Variants in LRRTM4 observed in about 807,000 individuals in gnomAD.
LRRTM4 encodes leucine-rich repeat transmembrane neuronal protein 4.
Under a neutral mutation model 47.6 loss-of-function variants are expected in LRRTM4, and 25 were observed. That is an observed-to-expected ratio of 0.53 (90% CI 0.38 to 0.73). The LOEUF is 0.73. LRRTM4 is among the 30% of genes least tolerant of loss of function. LRRTM4 has a pLI of 0.00. For synonymous variants in LRRTM4, 311 were observed against 269.5 expected, an observed-to-expected ratio of 1.15 and a Z score of -1.51; for missense variants, 638 against 713.4, an observed-to-expected ratio of 0.89 and a Z score of 1.20.
At chr2:77,051,028 T>TAA (rs369292203) in intron 3 of LRRTM4, among the ~76,000 whole-genome samples, 41 of 151,430 alleles carry the variant, frequency 2.7e-4, no homozygotes, top group East Asian at 5.9e-4. Flanking sequence ...TTTTTTTTTT[T>TAA]AAAATAGATA....
At chr2:77,071,953 A>G (rs995427303) in intron 3 of LRRTM4, among the ~76,000 whole-genome samples, 3 of 150,772 alleles carry the variant, frequency 2.0e-5, no homozygotes, top group African/African-American at 7.5e-5. Context: ...TATGAGAATT[A>G]ATAATATTTT....
At chr2:77,354,617 G>T (rs2104302473) in intron 3 of LRRTM4, among the ~76,000 whole-genome samples, 1 of 152,132 alleles carries the variant, frequency 6.6e-6, no homozygotes, top group South Asian at 2.1e-4. Context: ...GACCATGAAA[G>T]TAAAAAAAGA....
intron 3 of LRRTM4, among the ~76,000 whole-genome samples, chr2:76,923,484 A>G (rs1415806112): frequency 6.6e-6 from 1 of 152,086 alleles, no homozygotes; most frequent in Non-Finnish European, 1.5e-5. Flanking sequence ...GCTCATTGCT[A>G]CTGGGTCCTT....
At chr2:76,887,801 A>C (rs933788590) in intron 3 of LRRTM4, among the ~76,000 whole-genome samples, 6 of 150,990 alleles carry the variant, frequency 4.0e-5, no homozygotes, top group African/African-American at 1.5e-4. Context: ...ATTTTCTACT[A>C]GCCAATGGAA....
intron 3 of LRRTM4, among the ~76,000 whole-genome samples, chr2:76,964,807 AAGAG>A (rs1315882512): frequency 6.6e-6 from 1 of 150,820 alleles, no homozygotes; most frequent in Non-Finnish European, 1.5e-5. Flanking sequence ...ACAATTAATA[AAGAG>A]AGAGAGATAG....
At chr2:76,902,056 G>C (rs898742148) in intron 3 of LRRTM4, among the ~76,000 whole-genome samples, 2 of 152,242 alleles carry the variant, frequency 1.3e-5, no homozygotes, top group South Asian at 2.1e-4. Context: ...GAAATGTTTA[G>C]ATTTCTAACT....
chr2:77,057,349 C>G (rs1013188211), intron 3 of LRRTM4, among the ~76,000 whole-genome samples: 1 of 152,078 alleles, frequency 6.6e-6, no homozygotes, highest in Non-Finnish European at 1.5e-5. Context: ...ATAATAGGTA[C>G]TTATCATTGA....
intron 3 of LRRTM4, among the ~76,000 whole-genome samples, chr2:77,423,096 A>T (rs1016030462): frequency 2.6e-5 from 4 of 152,008 alleles, no homozygotes; most frequent in Non-Finnish European, 5.9e-5. Context: ...AGATTGAAAA[A>T]TTTTTTAGCA....
chr2:76,828,700 T>G (rs1172061165), intron 3 of LRRTM4, among the ~76,000 whole-genome samples: 2 of 151,954 alleles, frequency 1.3e-5, no homozygotes, highest in Non-Finnish European at 2.9e-5. Context: ...TTAATTAATG[T>G]GAGCTCATAT....
intron 3 of LRRTM4, among the ~76,000 whole-genome samples, chr2:77,356,364 G>A (rs1671969232): frequency 6.6e-6 from 1 of 152,102 alleles, no homozygotes; most frequent in Admixed American, 6.6e-5. Context: ...TCAATGAAAG[G>A]CATAAGTAAC....
chr2:76,911,113 A>AT (rs551974430), intron 3 of LRRTM4, among the ~76,000 whole-genome samples: 2 of 152,188 alleles, frequency 1.3e-5, no homozygotes, highest in Non-Finnish European at 2.9e-5. Flanking sequence ...TTTAAAACAT[A>AT]TTTTTTGGTT....
intron 3 of LRRTM4, among the ~76,000 whole-genome samples, chr2:77,421,758 A>C (rs1233155057): frequency 1.3e-5 from 2 of 152,284 alleles, no homozygotes; most frequent in East Asian, 3.9e-4. Context: ...TACAGTGCAC[A>C]GAACAACTCC....
intron 3 of LRRTM4, among the ~76,000 whole-genome samples, chr2:76,784,257 T>G (rs1251735482): frequency 2.0e-5 from 3 of 152,050 alleles, no homozygotes; most frequent in African/African-American, 4.8e-5. Context: ...AAATAAATCA[T>G]AGTACATTAA....
chr2:77,052,982 A>G (rs775408479), intron 3 of LRRTM4, among the ~76,000 whole-genome samples: 4 of 136,248 alleles, frequency 2.9e-5, no homozygotes, highest in Non-Finnish European at 6.1e-5. Flanking sequence ...GAGAAAGGCT[A>G]AAAAAAAAAA....
chr2:76,938,529 C>T (rs1000497140), intron 3 of LRRTM4, among the ~76,000 whole-genome samples: 2 of 152,016 alleles, frequency 1.3e-5, no homozygotes, highest in East Asian at 3.9e-4. Context: ...AATGTGATTT[C>T]ACTCCTGTTA....
At chr2:77,241,398 A>C (rs967058021) in intron 3 of LRRTM4, among the ~76,000 whole-genome samples, 1 of 152,062 alleles carries the variant, frequency 6.6e-6, no homozygotes, top group African/African-American at 2.4e-5. Flanking sequence ...CTTGCACTCT[A>C]TGTAAACATT....
chr2:77,276,472 T>C (rs539447757), intron 3 of LRRTM4, among the ~76,000 whole-genome samples: 1 of 147,790 alleles, frequency 6.8e-6, no homozygotes, highest in South Asian at 2.1e-4. Context: ...ATAGGAAATA[T>C]ATATAGGCAT....
At chr2:77,132,524 G>A (rs1329611205) in intron 3 of LRRTM4, among the ~76,000 whole-genome samples, 2 of 152,060 alleles carry the variant, frequency 1.3e-5, no homozygotes, top group Non-Finnish European at 2.9e-5. Flanking sequence ...CTAGAGGCTG[G>A]GAAAGCCAAG....
chr2:76,974,326 C>G (rs746497458), intron 3 of LRRTM4, among the ~76,000 whole-genome samples: 21 of 148,250 alleles, frequency 1.4e-4, no homozygotes, highest in Non-Finnish European at 2.2e-4. Context: ...AGAATTTAAG[C>G]CTATTTTGGC....
Sources: allele counts gnomAD v4.1 joint callset (sites outside exome capture counted in the v4.1 genomes callset), GRCh38; gene constraint gnomAD v4.1.1; transcripts MANE v1.5; gene names NCBI Gene and HGNC (gene_info 2026-07-23, HGNC 2026-07-21).